CTBP2: variants seen among roughly 807,000 people sequenced by gnomAD.
CTBP2 encodes the protein C-terminal binding protein 2.
CTBP2 carries 30 observed loss-of-function variants against 80.3 expected under a neutral mutation model. The ratio of observed to expected loss-of-function variants is 0.37; its 90% CI spans 0.28 to 0.51. The LOEUF (loss-of-function observed/expected upper bound fraction) is 0.51. CTBP2 is among the 20% of genes least tolerant of loss of function. CTBP2 has a pLI of 0.93. For synonymous variants in CTBP2, 594 were observed against 587.4 expected, an observed-to-expected ratio of 1.01 and a Z score of -0.16; for missense variants, 1,212 against 1,375.3, an observed-to-expected ratio of 0.88 and a Z score of 1.88.
intron 1 of CTBP2, among the ~76,000 whole-genome samples, chr10:125,022,311 G>C (rs368093039): frequency 1.1e-4 from 17 of 152,248 alleles, no homozygotes; most frequent in African/African-American, 4.1e-4. Flanking sequence ...CATAGTCACA[G>C]TTAACTGTCC....
intron 1 of CTBP2, among the ~76,000 whole-genome samples, chr10:125,148,090 T>C (rs1476711986): frequency 1.3e-5 from 2 of 152,134 alleles, no homozygotes; most frequent in African/African-American, 4.8e-5. Flanking sequence ...CATCCCTTCT[T>C]TGCCACACTT....
chr10:125,139,951 A>T (rs903141534), intron 1 of CTBP2, among the ~76,000 whole-genome samples: 2 of 152,138 alleles, frequency 1.3e-5, no homozygotes, highest in Non-Finnish European at 2.9e-5. Flanking sequence ...GTGGCCACAC[A>T]CATTCGCAAC....
At chr10:125,046,041 T>C (rs1961146684) in intron 2 of CTBP2, among the ~76,000 whole-genome samples, 1 of 152,068 alleles carries the variant, frequency 6.6e-6, no homozygotes, top group Non-Finnish European at 1.5e-5. Flanking sequence ...AGGCTAGGTA[T>C]GCTACAGAAT....
At chr10:125,104,588 C>T (rs536595171) in intron 2 of CTBP2, among the ~76,000 whole-genome samples, 29 of 152,184 alleles carry the variant, frequency 1.9e-4, no homozygotes, top group African/African-American at 6.5e-4. Flanking sequence ...AGTCCACTCA[C>T]GGAGGCTACT....
chr10:125,035,853 T>C (rs1362233271), intron 3 of CTBP2, among the ~76,000 whole-genome samples: 2 of 152,202 alleles, frequency 1.3e-5, no homozygotes, highest in East Asian at 3.8e-4. Context: ...CCATTATACT[T>C]GAGAATGAGG....
At chr10:125,037,239 A>G (rs1343337145) in intron 3 of CTBP2, among the ~76,000 whole-genome samples, 2 of 152,212 alleles carry the variant, frequency 1.3e-5, no homozygotes, top group Non-Finnish European at 2.9e-5. Context: ...CAAGCAGACA[A>G]TGGTTTTGCC....
At chr10:125,128,772 A>G (rs1262206273) in intron 1 of CTBP2, among the ~76,000 whole-genome samples, 1 of 152,238 alleles carries the variant, frequency 6.6e-6, no homozygotes, top group Non-Finnish European at 1.5e-5. Flanking sequence ...CACCTACTCC[A>G]TGACCCAGCA....
chr10:125,040,594 C>CCA (rs1478224701), intron 2 of CTBP2, among the ~76,000 whole-genome samples: 2 of 92,750 alleles, frequency 2.2e-5, no homozygotes, highest in Non-Finnish European at 4.0e-5. Flanking sequence ...ACCACCACAA[C>CCA]CACATACACA....
chr10:125,012,974 G>A (rs1956097568), intron 1 of CTBP2, among the ~76,000 whole-genome samples: 2 of 152,210 alleles, frequency 1.3e-5, no homozygotes, highest in Admixed American at 6.5e-5. Flanking sequence ...GGACTGGCTG[G>A]TCCACCTAAC....
chr10:125,031,080 G>C (rs553288005), upstream of CTBP2, among the ~76,000 whole-genome samples: 1 of 152,168 alleles, frequency 6.6e-6, no homozygotes, highest in Non-Finnish European at 1.5e-5. Context: ...GGCAGACACA[G>C]GGCAGAAAAA....
chr10:125,097,483 C>T (rs985277656), intron 2 of CTBP2, among the ~76,000 whole-genome samples: 4 of 152,074 alleles, frequency 2.6e-5, no homozygotes, highest in Admixed American at 6.5e-5. Context: ...AGTCACAAGC[C>T]GCACTCCTCA....
At chr10:124,992,251 G>A (rs1257893673) in intron 8 of CTBP2, among the ~76,000 whole-genome samples, 2 of 148,952 alleles carry the variant, frequency 1.3e-5, no homozygotes, top group East Asian at 3.9e-4. Flanking sequence ...GGGTCGGGGG[G>A]TAGCAGCATT....
At chr10:125,145,174 G>C (rs1411903748) in intron 1 of CTBP2, among the ~76,000 whole-genome samples, 1 of 152,216 alleles carries the variant, frequency 6.6e-6, no homozygotes, top group African/African-American at 2.4e-5. Context: ...GTGGGTGTGT[G>C]TTGGGGGAGT....
chr10:125,030,128 ACT>A (rs1425688841), upstream of CTBP2, among the ~76,000 whole-genome samples: 1 of 128,032 alleles, frequency 7.8e-6, no homozygotes, highest in Admixed American at 8.9e-5. Flanking sequence ...TTTTCCAAAC[ACT>A]CTGGTTACAC....
intron 1 of CTBP2, among the ~76,000 whole-genome samples, chr10:125,007,084 C>A (rs1040878108): frequency 6.6e-6 from 1 of 152,204 alleles, no homozygotes; most frequent in Admixed American, 6.5e-5. Flanking sequence ...GCCCTCTATG[C>A]GCTATTTTTC....
chr10:125,161,040 C>T (rs2133563944), upstream of CTBP2: 5 of 147,484 alleles, frequency 3.4e-5, no homozygotes, highest in South Asian at 1.1e-3. Context: ...TGAGGGTCGC[C>T]GCTCGCTCAC....
intron 1 of CTBP2, among the ~76,000 whole-genome samples, chr10:125,010,451 C>G (rs941260474): frequency 6.6e-6 from 1 of 152,154 alleles, no homozygotes; most frequent in Non-Finnish European, 1.5e-5. Flanking sequence ...GAACCCAATC[C>G]TTGAGTTTTA....
intron 3 of CTBP2, among the ~76,000 whole-genome samples, chr10:125,036,929 A>G (rs923131597): frequency 1.3e-5 from 2 of 152,142 alleles, no homozygotes; most frequent in African/African-American, 2.4e-5. Context: ...CAGCTTATAC[A>G]TAGGAGGAGC....
chr10:125,046,862 G>T (rs2135125131), intron 2 of CTBP2, among the ~76,000 whole-genome samples: 1 of 152,322 alleles, frequency 6.6e-6, no homozygotes, highest in South Asian at 2.1e-4. Context: ...GTTAAGGGTT[G>T]TTAGCACACG....
Sources: gnomAD v4.1 joint callset for allele counts (sites outside exome capture counted in the v4.1 genomes callset) on GRCh38, gnomAD v4.1.1 for gene constraint, MANE v1.5 for transcripts, NCBI Gene and HGNC (gene_info 2026-07-23, HGNC 2026-07-21) for gene names.